GABRG3: variants seen among roughly 807,000 people sequenced by gnomAD.
The protein encoded by GABRG3 is gamma-aminobutyric acid receptor subunit gamma-3.
In GABRG3, 25 loss-of-function variants were observed where a neutral mutation model predicts 48.8. The ratio of observed to expected loss-of-function variants is 0.51; its 90% CI spans 0.37 to 0.72. GABRG3 has a LOEUF of 0.72. GABRG3 is among the 30% of genes least tolerant of loss of function. The probability of loss-of-function intolerance (pLI) is 0.00; values close to 1 mark genes in which losing one functional copy is unlikely to be tolerated. For synonymous variants in GABRG3, 227 were observed against 217.6 expected, an observed-to-expected ratio of 1.04 and a Z score of -0.38; for missense variants, 394 against 577.9, an observed-to-expected ratio of 0.68 and a Z score of 3.26.
chr15:27,261,857 T>A (rs1471554003), intron 3 of GABRG3, among the ~76,000 whole-genome samples: 1 of 152,204 alleles, frequency 6.6e-6, no homozygotes, highest in Non-Finnish European at 1.5e-5. Flanking sequence ...TATTTATATC[T>A]GAGAGTTTAG....
intron 3 of GABRG3, among the ~76,000 whole-genome samples, chr15:27,300,396 A>G (rs1163981624): frequency 6.6e-6 from 1 of 152,028 alleles, no homozygotes; most frequent in Admixed American, 6.6e-5. Flanking sequence ...AGGCACGGTC[A>G]CTCACACCTG....
chr15:27,237,551 C>G (rs1030833399), intron 3 of GABRG3, among the ~76,000 whole-genome samples: 3 of 152,050 alleles, frequency 2.0e-5, no homozygotes, highest in African/African-American at 7.2e-5. Flanking sequence ...TCCATGGGTT[C>G]AAAAGACACA....
intron 3 of GABRG3, among the ~76,000 whole-genome samples, chr15:27,098,183 C>T (rs1467280235): frequency 6.6e-6 from 1 of 152,068 alleles, no homozygotes; most frequent in Non-Finnish European, 1.5e-5. Flanking sequence ...TCTGTAATCC[C>T]AGCACTTTGA....
intron 3 of GABRG3, among the ~76,000 whole-genome samples, chr15:27,272,360 G>A (rs73361581): frequency 0.11 from 16,453 of 152,212 alleles, 1,529 homozygotes; most frequent in African/African-American, 0.25. Flanking sequence ...GGAACCCCCA[G>A]ACGGGGTTGT....
intron 6 of GABRG3, among the ~76,000 whole-genome samples, chr15:27,504,682 C>G (rs2150855841): frequency 6.7e-6 from 1 of 148,670 alleles, no homozygotes; most frequent in Admixed American, 6.6e-5. Flanking sequence ...ATCCAGATTT[C>G]CATTTGGTGT....
intron 5 of GABRG3, among the ~76,000 whole-genome samples, chr15:27,471,241 G>A (rs752962668): frequency 1.3e-5 from 2 of 152,196 alleles, no homozygotes; most frequent in Non-Finnish European, 2.9e-5. Context: ...GCTTCTAGGT[G>A]TGGGCACCAG....
At chr15:27,406,676 G>T (rs1887644579) in intron 5 of GABRG3, among the ~76,000 whole-genome samples, 2 of 152,180 alleles carry the variant, frequency 1.3e-5, no homozygotes, top group Non-Finnish European at 2.9e-5. Flanking sequence ...ACTAAGGAGA[G>T]AACACAGATA....
At chr15:27,033,176 G>A (rs535973757) in intron 3 of GABRG3, among the ~76,000 whole-genome samples, 3 of 151,258 alleles carry the variant, frequency 2.0e-5, no homozygotes, top group East Asian at 2.0e-4. Context: ...AAGCTCTCCC[G>A]GGTTCTTTAT....
At chr15:27,202,357 G>A (rs941651443) in intron 3 of GABRG3, among the ~76,000 whole-genome samples, 3 of 151,928 alleles carry the variant, frequency 2.0e-5, no homozygotes, top group African/African-American at 2.4e-5. Context: ...ATGGCTACCC[G>A]CTTTCGGTTT....
At chr15:27,360,255 C>T (rs983538904) in intron 5 of GABRG3, among the ~76,000 whole-genome samples, 1 of 152,168 alleles carries the variant, frequency 6.6e-6, no homozygotes, top group African/African-American at 2.4e-5. Flanking sequence ...GAGTAGCCCT[C>T]TCAGGTGGCC....
chr15:27,204,851 G>A (rs1345335218), intron 3 of GABRG3, among the ~76,000 whole-genome samples: 1 of 152,000 alleles, frequency 6.6e-6, no homozygotes, highest in East Asian at 1.9e-4. Flanking sequence ...GAGTGTTATT[G>A]GTGTGTAGAA....
At chr15:27,129,942 T>C (rs903101466) in intron 3 of GABRG3, among the ~76,000 whole-genome samples, 1 of 152,240 alleles carries the variant, frequency 6.6e-6, no homozygotes, top group Non-Finnish European at 1.5e-5. Context: ...CTTTATATAT[T>C]CTGGACATTA....
At chr15:27,466,128 G>C (rs1889601758) in intron 5 of GABRG3, among the ~76,000 whole-genome samples, 1 of 152,208 alleles carries the variant, frequency 6.6e-6, no homozygotes, top group Admixed American at 6.5e-5. Flanking sequence ...ACCGCACTGA[G>C]TTGAGAAATC....
chr15:27,325,291 G>C (rs1280362462), intron 3 of GABRG3, among the ~76,000 whole-genome samples: 1 of 152,142 alleles, frequency 6.6e-6, no homozygotes, highest in African/African-American at 2.4e-5. Context: ...CAGAAACAAG[G>C]CTGAGGCCAT....
intron 3 of GABRG3, among the ~76,000 whole-genome samples, chr15:27,235,321 C>T (rs1285601589): frequency 6.6e-6 from 1 of 152,200 alleles, no homozygotes; most frequent in Non-Finnish European, 1.5e-5. Flanking sequence ...ATAGGTCAAC[C>T]TAGTTCACAG....
At chr15:27,388,214 G>GT (rs1896053956) in intron 5 of GABRG3, among the ~76,000 whole-genome samples, 1 of 33,812 alleles carries the variant, frequency 3.0e-5, no homozygotes, top group Admixed American at 3.3e-4. Context: ...GGAAGGAAAG[G>GT]AGGAAGGAAG....
At chr15:27,460,748 A>G (rs1369058935) in intron 5 of GABRG3, among the ~76,000 whole-genome samples, 2 of 152,176 alleles carry the variant, frequency 1.3e-5, no homozygotes, top group South Asian at 4.1e-4. Flanking sequence ...GCCCGAGGAC[A>G]TGACTACCTC....
intron 2 of GABRG3, among the ~76,000 whole-genome samples, chr15:26,999,342 G>C (rs1454864929): frequency 6.6e-6 from 1 of 152,066 alleles, no homozygotes; most frequent in African/African-American, 2.4e-5. Flanking sequence ...CATGGATTTT[G>C]ATATAGACAG....
intron 3 of GABRG3, among the ~76,000 whole-genome samples, chr15:27,261,330 G>A (rs1368082906): frequency 6.6e-6 from 1 of 151,978 alleles, no homozygotes; most frequent in East Asian, 1.9e-4. Flanking sequence ...AAATCAAGAT[G>A]TATTTTAATG....
Sources: allele counts gnomAD v4.1 joint callset (sites outside exome capture counted in the v4.1 genomes callset), GRCh38; gene constraint gnomAD v4.1.1; transcripts MANE v1.5; gene names NCBI Gene and HGNC (gene_info 2026-07-23, HGNC 2026-07-21).